The following EBF2 variants were observed in gnomAD, a reference collection of about 807,000 sequenced individuals.
The protein encoded by EBF2 is transcription factor COE2.
A neutral mutation model predicts 72.8 loss-of-function variants in EBF2; 21 were observed. The observed-to-expected ratio is 0.29, with a 90% CI of 0.20 to 0.42. The LOEUF (loss-of-function observed/expected upper bound fraction) is 0.42. EBF2 is among the 10% of genes least tolerant of loss of function. EBF2 has a pLI of 1.00. For missense variants in EBF2, 637 were observed against 731.2 expected, an observed-to-expected ratio of 0.87 and a Z score of 1.49; for synonymous variants, 299 against 274.2, an observed-to-expected ratio of 1.09 and a Z score of -0.89.
At chr8:25,868,906 T>C (rs1296787844) in intron 10 of EBF2, among the ~76,000 whole-genome samples, 1 of 152,210 alleles carries the variant, frequency 6.6e-6, no homozygotes, top group Admixed American at 6.5e-5. Context: ...TTCCCACCTC[T>C]TTCTCTCCAC....
intron 6 of EBF2, among the ~76,000 whole-genome samples, chr8:25,983,742 T>C (rs1175458530): frequency 4.6e-5 from 7 of 152,244 alleles, no homozygotes; most frequent in Non-Finnish European, 1.0e-4. Flanking sequence ...TTATGAATTA[T>C]GAAAACTCGC....
At chr8:25,985,495 T>A (rs532421611) in intron 6 of EBF2, among the ~76,000 whole-genome samples, 1 of 152,282 alleles carries the variant, frequency 6.6e-6, no homozygotes, top group East Asian at 1.9e-4. Context: ...AAAAAAACCC[T>A]ATAGTGCTGC....
At position 25,984,236 on chromosome 8, in the gene EBF2, T is replaced by C. The variant is rs953220837; in HGVS notation, c.551+48849A>G. 7.9e-5 allele frequency among the ~76,000 whole-genome samples: 12 copies of C among 152,312 alleles called. No individual in the cohort carries two copies. The East Asian group carries it at 1.9e-3, about 25-fold the overall frequency. ...CATTTCACAGAGCACTGTGAACCAC[T>C]GTTTTACTGAAACAATATTGGCTGA... is the stretch of plus-strand genomic sequence containing the variant. On this transcript the variant is annotated intron_variant, in intron 6 of 15. Transcript: ENST00000520164.
At chr8:25,865,864 A>T (rs1802302780) in intron 10 of EBF2, among the ~76,000 whole-genome samples, 1 of 151,792 alleles carries the variant, frequency 6.6e-6, no homozygotes, top group South Asian at 2.1e-4. Context: ...TCTCTACTGA[A>T]AATACAAAAA....
chr8:25,936,245 T>C (rs185329906), intron 6 of EBF2, among the ~76,000 whole-genome samples: 2 of 152,374 alleles, frequency 1.3e-5, no homozygotes, highest in Admixed American at 1.3e-4. Context: ...TTGCTGAATT[T>C]ATCTTTGGCT....
intron 6 of EBF2, among the ~76,000 whole-genome samples, chr8:25,942,139 C>T (rs146700230): frequency 2.0e-5 from 3 of 152,282 alleles, no homozygotes; most frequent in South Asian, 2.1e-4. Context: ...ACCGGAAACA[C>T]GCAGGGGGAA....
At chr8:26,033,373 G>A (rs1805440878) in intron 5 of EBF2, among the ~76,000 whole-genome samples, 1 of 152,168 alleles carries the variant, frequency 6.6e-6, no homozygotes, top group African/African-American at 2.4e-5. Context: ...GGGACTACAG[G>A]TGTGTGCCAC....
At chr8:26,008,449 A>T (rs1323947095) in intron 6 of EBF2, among the ~76,000 whole-genome samples, 1 of 152,164 alleles carries the variant, frequency 6.6e-6, no homozygotes, top group South Asian at 2.1e-4. Context: ...TTTAAGAGCA[A>T]AAAGTCAGCC....
intron 6 of EBF2, among the ~76,000 whole-genome samples, chr8:25,960,603 TG>T (rs1357218970): frequency 6.6e-6 from 1 of 152,086 alleles, no homozygotes; most frequent in East Asian, 1.9e-4. Context: ...CCTGCTTTGC[TG>T]GGGGCACATG....
chr8:25,844,391 A>G lies in EBF2; in HGVS notation c.*218T>C, dbSNP rs148619082. ...TCTTAGCACTGACTACGTCAATGACATCTTTTGTCCTTGTCCCAAGAGGGT... is the reference window on the plus strand; with the variant it reads ...TCTTAGCACTGACTACGTCAATGACGTCTTTTGTCCTTGTCCCAAGAGGGT... On this transcript the variant is annotated 3_prime_UTR_variant, in exon 16 of 16. Coordinates refer to ENST00000520164, the MANE Select transcript of EBF2 (RefSeq NM_022659.4). 59 of 534,328 alleles carry G rather than the reference A, an allele frequency of 1.1e-4. No homozygotes were observed. Among genetic ancestry groups the G allele is most frequent in the Middle Eastern group, 9.0e-4 (2 of 2,230 alleles). 33.1% of individuals were successfully genotyped at this position (534,328 alleles called of 1,614,324 possible).
At chr8:25,896,566 C>T (rs777564073) in intron 7 of EBF2, among the ~76,000 whole-genome samples, 15 of 152,070 alleles carry the variant, frequency 9.9e-5, no homozygotes, top group African/African-American at 1.4e-4. Context: ...TATAACTGTT[C>T]GGTTGCCATA....
chr8:25,848,026 T>C (rs1161147222), intron 15 of EBF2, among the ~76,000 whole-genome samples: 1 of 151,508 alleles, frequency 6.6e-6, no homozygotes, highest in Non-Finnish European at 1.5e-5. Flanking sequence ...TGAAATTTTC[T>C]TTTAAAAAAA....
intron 14 of EBF2, among the ~76,000 whole-genome samples, chr8:25,855,655 C>CT (rs1395203557): frequency 1.3e-5 from 2 of 152,060 alleles, no homozygotes; most frequent in Non-Finnish European, 2.9e-5. Context: ...CCGGGCTTTT[C>CT]TTTTTTTGTA....
In EBF2 at chr8:25,855,552, G is replaced by A. The variant is rs181550387; in HGVS notation, c.1528+2767C>T. 1.6e-4 allele frequency among the ~76,000 whole-genome samples: 24 copies of A among 152,184 alleles called. No individual in the cohort carries two copies. The East Asian group carries it at 2.3e-3, about 15-fold the overall frequency. Reference sequence around the variant, plus strand: ...AGTGTCTCTGGCAAGTATTTGCTCCGTGGCATGGTCCAGCCACATCAGATG... The same window carrying A: ...AGTGTCTCTGGCAAGTATTTGCTCCATGGCATGGTCCAGCCACATCAGATG... On this transcript the variant is annotated intron_variant, in intron 14 of 15. Coordinates refer to ENST00000520164, the MANE Select transcript of EBF2 (RefSeq NM_022659.4).
chr8:25,909,715 A>G (rs76118507), intron 6 of EBF2, among the ~76,000 whole-genome samples: 4,578 of 152,346 alleles, frequency 0.03, 95 homozygotes, highest in Middle Eastern at 0.058. Flanking sequence ...AGAATTAGAT[A>G]GCTCTCCAAT....
At chr8:25,981,597 A>G (rs760006732) in intron 6 of EBF2, among the ~76,000 whole-genome samples, 45 of 152,154 alleles carry the variant, frequency 3.0e-4, no homozygotes, top group Admixed American at 4.6e-4. Context: ...GGAGTTTGAG[A>G]CCAGCCTGGC....
intron 6 of EBF2, among the ~76,000 whole-genome samples, chr8:25,967,673 G>A (rs1017642764): frequency 6.6e-6 from 1 of 152,162 alleles, no homozygotes; most frequent in Non-Finnish European, 1.5e-5. Flanking sequence ...TGTGTTGGGG[G>A]CAAGGGTGAG....
At chr8:25,893,827 C>T (rs1027336968) in intron 7 of EBF2, among the ~76,000 whole-genome samples, 5 of 152,162 alleles carry the variant, frequency 3.3e-5, no homozygotes, top group Admixed American at 6.5e-5. Flanking sequence ...GAACATTTCC[C>T]GAATGACATA....
intron 10 of EBF2, among the ~76,000 whole-genome samples, chr8:25,870,152 C>T (rs1802408987): frequency 6.6e-6 from 1 of 152,156 alleles, no homozygotes; most frequent in South Asian, 2.1e-4. Context: ...GAAGGAGACC[C>T]CATGCGGAAT....
Sources: allele counts gnomAD v4.1 joint callset (sites outside exome capture counted in the v4.1 genomes callset), GRCh38; gene constraint gnomAD v4.1.1; transcripts MANE v1.5; gene names NCBI Gene and HGNC (gene_info 2026-07-23, HGNC 2026-07-21).